Variants in MPDZ observed in about 807,000 individuals in gnomAD.
The protein encoded by MPDZ is multiple PDZ domain protein.
Under a neutral mutation model 239.1 loss-of-function variants are expected in MPDZ, and 234 were observed. That is an observed-to-expected ratio of 0.98 (90% CI 0.88 to 1.09). The LOEUF is 1.09. Among genes scored for constraint, MPDZ ranks in the 50% least tolerant of loss-of-function variants. MPDZ has a pLI of 0.00. For missense variants in MPDZ, 3,175 were observed against 2,510.0 expected (o/e 1.26, Z -5.66); for synonymous variants, 1,048 against 881.3 (o/e 1.19, Z -3.35).
In MPDZ at chr9:13,106,753, A is replaced by C; in HGVS notation, c.*212T>G. On this transcript the variant is annotated 3_prime_UTR_variant, in exon 47 of 47. Transcript: ENST00000319217. ...ACCTACACAAATATTCCTTCTCTTT[A>C]AGTTCACAAAATGCAAGAAGAAAAG... 1.9e-6 allele frequency: 1 copy of C among 513,010 alleles called. No homozygotes were observed. The highest frequency in any genetic ancestry group is 3.8e-5 in the South Asian group (1 of 26,420). The allele number at this position is 513,010 out of a possible 1,614,324, so 31.8% of individuals were successfully genotyped here. A position where few individuals can be genotyped will look rare whatever the true frequency, so the allele number is the denominator to read the frequency against.
intron 1 of MPDZ, among the ~76,000 whole-genome samples, chr9:13,271,790 T>C (rs774797205): frequency 1.3e-5 from 2 of 152,174 alleles, no homozygotes; most frequent in Non-Finnish European, 2.9e-5. Flanking sequence ...GGTATATCCA[T>C]GCAATGACTA....
rs201712335 is a variant in MPDZ, at chr9:13,172,387, G to T, written c.3055+3365C>A. Among the ~76,000 whole-genome samples, 693 of 145,598 alleles carry T rather than the reference G, an allele frequency of 4.8e-3. 9 individuals carry two copies. Among genetic ancestry groups the T allele is most frequent in the African/African-American group, 0.015 (603 of 39,760 alleles). On this transcript the variant is annotated intron_variant, in intron 21 of 46. Coordinates refer to ENST00000319217, the MANE Select transcript of MPDZ (RefSeq NM_001378778.1). ...ACTTAAATGTCTTACTTTGTTTTTT[G>T]TTTTTTTTTTTTGAGACGAAGTTTT...
chr9:13,274,667 T>C (rs1370017059), intron 1 of MPDZ: 1 of 151,912 alleles, frequency 6.6e-6, no homozygotes, highest in South Asian at 2.1e-4. Flanking sequence ...TTCCCTTTTA[T>C]TAATCATATT....
intron 10 of MPDZ, among the ~76,000 whole-genome samples, chr9:13,214,932 G>A (rs1301485761): frequency 2.6e-5 from 4 of 151,878 alleles, no homozygotes; most frequent in Non-Finnish European, 5.9e-5. Context: ...TTATAATGTG[G>A]ACTTAAAGGG....
chr9:13,146,799 CT>C (rs1266693685), intron 26 of MPDZ, among the ~76,000 whole-genome samples: 1 of 151,878 alleles, frequency 6.6e-6, no homozygotes, highest in Non-Finnish European at 1.5e-5. Flanking sequence ...CAGTTTTAAA[CT>C]CTTGGCATAA....
intron 26 of MPDZ, among the ~76,000 whole-genome samples, chr9:13,146,316 T>C (rs565628317): frequency 3.3e-5 from 5 of 152,156 alleles, no homozygotes; most frequent in African/African-American, 1.2e-4. Context: ...GCATAGAATA[T>C]TGATAAGTTA....
intron 4 of MPDZ, 114 bp from the exon 5 acceptor site, chr9:13,223,824 G>C (rs991306187): frequency 2.7e-6 from 3 of 1,129,408 alleles, no homozygotes; most frequent in Non-Finnish European, 3.6e-6. Flanking sequence ...TTGAAGCCAG[G>C]AGTTAGGGAC....
Position 13,125,282 on chromosome 9 carries a change from T to C in MPDZ, c.4741A>G (p.Lys1581Glu). 1.9e-6 allele frequency: 3 copies of C among 1,613,638 alleles called. No individual in the cohort carries two copies. The highest frequency in any genetic ancestry group is 2.5e-6 in the Non-Finnish European group (3 of 1,179,602). The change falls in exon 35 of 47, where the codon AAA becomes GAA. Residue 1581 changes from lysine (K) to glutamate (E), a missense_variant. By Grantham distance (56) the Lys-to-Glu change is moderately conservative (BLOSUM62 1). Transcript: ENST00000319217. The stretch of plus-strand genomic sequence containing the variant: ...ATCAGAGACTGGGAGCTGTTCTTTT[T>C]TTCTCCACTGGCTGCACCAGCTGCT... ...PSAAGAASGE[K>E]KNSSQSLMVP...
intron 23 of MPDZ, among the ~76,000 whole-genome samples, chr9:13,160,616 C>G (rs73649153): frequency 6.6e-5 from 10 of 151,604 alleles, no homozygotes; most frequent in African/African-American, 1.9e-4. Context: ...GAAACTATAA[C>G]CAACTCATGC....
At chr9:13,185,555 G>A (rs1430493226) in intron 18 of MPDZ, among the ~76,000 whole-genome samples, 2 of 152,018 alleles carry the variant, frequency 1.3e-5, no homozygotes, top group African/African-American at 4.8e-5. Context: ...ATGTGAACAG[G>A]ATGTACAATT....
intron 1 of MPDZ, among the ~76,000 whole-genome samples, chr9:13,273,779 G>GACTA (rs1973550819): frequency 6.6e-6 from 1 of 152,120 alleles, no homozygotes; most frequent in South Asian, 2.1e-4. Context: ...TATAAACATT[G>GACTA]ACTATTAACA....
chr9:13,110,749 G>A lies in MPDZ; in HGVS notation c.5725-9C>T, dbSNP rs1344464762. ...ACAATCCTATCCCCAACCTGCAAGG[G>A]AGAGAAAGAAACAGCCATCTGCTAA... is the stretch of plus-strand genomic sequence containing the variant. On this transcript the variant is annotated splice_polypyrimidine_tract_variant and intron_variant, in intron 43 of 46. Transcript: ENST00000319217. 3.1e-6 allele frequency: 5 copies of A among 1,607,228 alleles called. No individual in the cohort carries two copies. In the African/African-American group the frequency reaches 6.7e-5, roughly 21 times the overall value.
At chr9:13,177,327 C>T (rs1952625957) in intron 19 of MPDZ, among the ~76,000 whole-genome samples, 1 of 152,068 alleles carries the variant, frequency 6.6e-6, no homozygotes, top group South Asian at 2.1e-4. Flanking sequence ...ACTGTGTATG[C>T]ATATAGAATA....
Position 13,247,798 on chromosome 9 carries a change from T to C in MPDZ, c.20A>G (p.Lys7Arg), listed in dbSNP as rs781730902. The change falls in exon 3 of 47, where the codon AAA (lysine) becomes AGA (arginine). Residue 7 changes from lysine (K) to arginine (R), a missense_variant. Lys to Arg is a conservative substitution (Grantham distance 26). Transcript: ENST00000319217. MLEAID[K>R]NRALHAAERL... ...CTCTGCTGCATGCAGGGCCCGATTT[T>C]TGTCTATACCAAAGAGCAGCATTTG... is the stretch of plus-strand genomic sequence containing the variant. 11 of 1,601,544 alleles carry C rather than the reference T, an allele frequency of 6.9e-6. No individual in the cohort carries two copies. Among genetic ancestry groups the C allele is most frequent in the Non-Finnish European group, 7.7e-6 (9 of 1,170,112 alleles).
chr9:13,246,569 A>G (rs183669136), intron 3 of MPDZ, among the ~76,000 whole-genome samples: 28 of 152,372 alleles, frequency 1.8e-4, no homozygotes, highest in African/African-American at 5.3e-4. Flanking sequence ...GACATTTACT[A>G]TAGAAAGGTA....
intron 15 of MPDZ, among the ~76,000 whole-genome samples, chr9:13,191,583 T>C (rs1209306308): frequency 1.3e-5 from 2 of 152,150 alleles, no homozygotes; most frequent in East Asian, 1.9e-4. Flanking sequence ...TTTAAAAGGA[T>C]AGTATGTAAA....
At chr9:13,164,542 T>C (rs567439040) in intron 22 of MPDZ, among the ~76,000 whole-genome samples, 220 of 152,032 alleles carry the variant, frequency 1.4e-3, no homozygotes, top group Admixed American at 4.5e-3. Context: ...CAGGATAGAA[T>C]AGCAAAAATA....
At chr9:13,196,067 G>T in intron 13 of MPDZ, 54 bp downstream of exon 13, 1 of 1,196,850 alleles carries the variant, frequency 8.4e-7, no homozygotes, top group Non-Finnish European at 1.2e-6. Flanking sequence ...CCCTCGAACT[G>T]CCTGCTCAAA....
At chr9:13,206,178 G>T in intron 10 of MPDZ, 79 bp from the exon 11 acceptor site, 1 of 1,311,530 alleles carries the variant, frequency 7.6e-7, no homozygotes, top group Non-Finnish European at 1.0e-6. Context: ...AAATGTGTAT[G>T]TATAGTTGTT....
Sources: gnomAD v4.1 joint callset for allele counts (sites outside exome capture counted in the v4.1 genomes callset) on GRCh38, gnomAD v4.1.1 for gene constraint, MANE v1.5 for transcripts, NCBI Gene and HGNC (gene_info 2026-07-23, HGNC 2026-07-21) for gene names.